The following RNF34 variants were observed in gnomAD, a reference collection of about 807,000 sequenced individuals.
RNF34 encodes the protein E3 ubiquitin-protein ligase RNF34.
Under a neutral mutation model 37.9 loss-of-function variants are expected in RNF34, and 12 were observed. The observed-to-expected ratio is 0.32, with a 90% CI of 0.20 to 0.51. The LOEUF is 0.51. RNF34 is among the 20% of genes least tolerant of loss of function. RNF34 has a pLI of 0.97. For missense variants in RNF34, 362 were observed against 472.7 expected, an observed-to-expected ratio of 0.77 and a Z score of 2.17; for synonymous variants, 155 against 177.2, an observed-to-expected ratio of 0.87 and a Z score of 1.00.
rs997396121 is a variant in RNF34, at chr12:121,400,192, C to T, written c.-21C>T. The T allele has an allele frequency of 3.1e-6, 5 of 1,608,050 alleles. No individual in the cohort carries two copies. The highest frequency in any genetic ancestry group is 1.1e-5 in the South Asian group (1 of 90,524). On this transcript the variant is annotated 5_prime_UTR_variant, in exon 1 of 6. Coordinates refer to ENST00000361234, the MANE Select transcript of RNF34 (RefSeq NM_025126.4). ...TGCTGAGTTTCCTGGTAGAGCCGGC[C>T]GAGCTGAGGCGGTCGCGGCCATGAA...
intron 1 of RNF34, among the ~76,000 whole-genome samples, chr12:121,405,452 A>T (rs782219449): frequency 1.3e-5 from 2 of 152,166 alleles, no homozygotes; most frequent in South Asian, 4.2e-4. Flanking sequence ...GCTATCAGTA[A>T]AAACAAACAT....
chr12:121,419,028 G>A (rs1871842469), intron 3 of RNF34, among the ~76,000 whole-genome samples: 1 of 152,144 alleles, frequency 6.6e-6, no homozygotes, highest in Admixed American at 6.5e-5. Flanking sequence ...ATTAGTAAAT[G>A]AATAAATGCA....
chr12:121,422,911 C>G (rs1872289989), intron 5 of RNF34, among the ~76,000 whole-genome samples: 1 of 141,930 alleles, frequency 7.0e-6, no homozygotes, highest in Non-Finnish European at 1.5e-5. Context: ...TCCTAACTTT[C>G]CTAAGGGGGA....
Position 121,423,604 on chromosome 12 carries a change from C to T in RNF34, c.*28C>T. 1.3e-6 allele frequency: 2 copies of T among 1,593,094 alleles called. No homozygotes were observed. The highest frequency in any genetic ancestry group is 1.7e-6 in the Non-Finnish European group (2 of 1,164,904). On this transcript the variant is annotated 3_prime_UTR_variant, in exon 6 of 6. Transcript: ENST00000361234. This position sits in a 1 kb window ranked among gnomAD's most constrained non-coding sequence, Gnocchi z 4.3. ...CAGGCTCCCCTCACCAGGACAGTCA[C>T]CCCCAAACTTGACCCCCAACATTTC...
intron 5 of RNF34, among the ~76,000 whole-genome samples, chr12:121,421,377 A>C (rs1419456106): frequency 7.0e-6 from 1 of 143,452 alleles, no homozygotes; most frequent in East Asian, 2.0e-4. Flanking sequence ...TCTCTAAAAA[A>C]AAAAAAAAAA....
At chr12:121,406,804 T>C (rs1182826684) in intron 1 of RNF34, among the ~76,000 whole-genome samples, 1 of 152,206 alleles carries the variant, frequency 6.6e-6, no homozygotes, top group Non-Finnish European at 1.5e-5. Context: ...AGTTTTGTGC[T>C]AGGCATAGGC....
chr12:121,418,605 G>A (rs1871798506), intron 3 of RNF34: 1 of 152,312 alleles, frequency 6.6e-6, no homozygotes, highest in Non-Finnish European at 1.5e-5. Context: ...CCTGCAGTCT[G>A]ATACTTGGCA....
chr12:121,417,747 G>A lies in RNF34; in HGVS notation c.469G>A (p.Asp157Asn). The change falls in exon 3 of 6, where the codon GAC becomes AAC. Residue 157 changes from aspartate to asparagine, a missense_variant. By Grantham distance (23) the Asp-to-Asn change is conservative. Transcript: ENST00000361234. The surrounding 1 kb of genome is among the most constrained non-coding windows in gnomAD (Gnocchi z 5.0). ...VLCHHGLGSE[D>N]DMDTSSLNSS... ...GTGCCATCATGGACTAGGCTCTGAG[G>A]ACGACATGGACACAAGCAGTCTGAA... 1 of 1,614,160 alleles carries A rather than the reference G, an allele frequency of 6.2e-7. No individual in the cohort carries two copies. The highest frequency in any genetic ancestry group is 8.5e-7 in the Non-Finnish European group (1 of 1,180,028).
intron 1 of RNF34, among the ~76,000 whole-genome samples, chr12:121,403,381 G>T (rs1870186191): frequency 6.8e-6 from 1 of 146,562 alleles, no homozygotes; most frequent in Non-Finnish European, 1.5e-5. Flanking sequence ...GGGCAACAGA[G>T]CAAGACTCTG....
Position 121,404,387 on chromosome 12 carries a change from C to CTTTT in RNF34, c.6+4191_6+4194dup, listed in dbSNP as rs782225104. The stretch of plus-strand genomic sequence containing the variant: ...CTCTTGTGTCTGGCTGTCATTTAAT[C>CTTTT]TTTTTTTTTTTTTTTTTTTTTTTTT... On this transcript the variant is annotated intron_variant, in intron 1 of 5. Transcript: ENST00000361234. Among the ~76,000 whole-genome samples the CTTTT allele has an allele frequency of 6.5e-3, 431 of 65,838 alleles. 13 individuals are homozygous for CTTTT. The highest frequency in any genetic ancestry group is 7.7e-3 in the Admixed American group (28 of 3,648). The allele number at this position is 65,838 out of a possible 152,430, so 43.2% of individuals were successfully genotyped here.
Position 121,420,352 on chromosome 12 carries a change from A to G in RNF34, c.726+18A>G. The stretch of plus-strand genomic sequence containing the variant: ...AGGATCGGGTGAGGCCACCTATAAA[A>G]TTTGGTTTCCCTGACATGTCAGCCT... On this transcript the variant is annotated intron_variant, in intron 4 of 5. Transcript: ENST00000361234. 6.4e-7 allele frequency: 1 copy of G among 1,556,024 alleles called. No individual in the cohort carries two copies. Among genetic ancestry groups the G allele is most frequent in the Non-Finnish European group, 8.7e-7 (1 of 1,149,088 alleles).
chr12:121,401,354 C>CAAAAAAA (rs563285897), intron 1 of RNF34, among the ~76,000 whole-genome samples: 7,762 of 76,208 alleles, frequency 0.1, 556 homozygotes, highest in South Asian at 0.19. Context: ...CTATAGGTAT[C>CAAAAAAA]AAAAAAAAAA....
chr12:121,414,994 G>C (rs1295732362), intron 1 of RNF34, among the ~76,000 whole-genome samples: 3 of 152,210 alleles, frequency 2.0e-5, no homozygotes, highest in Admixed American at 6.5e-5. Context: ...TGCTGGGGAG[G>C]CTGAGGCAGG....
intron 1 of RNF34, 42 bp from the exon 2 acceptor site, chr12:121,416,117 T>C: frequency 6.5e-7 from 1 of 1,546,336 alleles, no homozygotes; most frequent in Non-Finnish European, 8.9e-7. Context: ...AGAGCCCAGA[T>C]TCCACTTAGC....
chr12:121,416,859 G>C (rs1228687961), intron 2 of RNF34, among the ~76,000 whole-genome samples: 1 of 152,108 alleles, frequency 6.6e-6, no homozygotes, highest in Admixed American at 6.5e-5. Flanking sequence ...CCATCATATT[G>C]GTAGGCCTCC....
intron 1 of RNF34, among the ~76,000 whole-genome samples, chr12:121,407,157 GTATAACCC>G (rs1453618912): frequency 6.6e-6 from 1 of 152,074 alleles, no homozygotes; most frequent in Non-Finnish European, 1.5e-5. Flanking sequence ...GATGCATGTG[GTATAACCC>G]ATGGAGTTTT....
intron 1 of RNF34, chr12:121,402,736 TGAAAGGTGGG>T: frequency 6.4e-7 from 1 of 1,572,190 alleles, no homozygotes; most frequent in Admixed American, 1.9e-5. Context: ...TTTTTTTCTC[TGAAAGGTGGG>T]GGAGTGGTAC....
chr12:121,415,840 CTTTTTTTTT>C (rs782608817), intron 1 of RNF34, among the ~76,000 whole-genome samples: 1 of 108,096 alleles, frequency 9.3e-6, no homozygotes. Context: ...TTTGTCCAGT[CTTTTTTTTT>C]TTTTTTTTTT....
intron 4 of RNF34, 35 bp from the exon 5 acceptor site, chr12:121,420,542 T>A (rs201673963): frequency 6.2e-7 from 1 of 1,608,232 alleles, no homozygotes; most frequent in Non-Finnish European, 8.5e-7. Flanking sequence ...TCTGGACTTA[T>A]GGGACCAGGG....
Sources: allele counts gnomAD v4.1 joint callset (sites outside exome capture counted in the v4.1 genomes callset), GRCh38; gene constraint gnomAD v4.1.1; non-coding constraint Gnocchi (gnomAD v3.1); transcripts MANE v1.5; gene names NCBI Gene and HGNC (gene_info 2026-07-23, HGNC 2026-07-21).